OSBPL1A: variants seen among roughly 807,000 people sequenced by gnomAD.
The protein encoded by OSBPL1A is oxysterol-binding protein-related protein 1.
OSBPL1A carries 80 observed loss-of-function variants against 137.1 expected under a neutral mutation model. That is an observed-to-expected ratio of 0.58 (90% confidence interval 0.49 to 0.70). The LOEUF is 0.70. OSBPL1A is among the 30% of genes least tolerant of loss of function. The pLI is 0.00. For synonymous variants in OSBPL1A, 365 were observed against 389.7 expected (o/e 0.94, Z 0.75); for missense variants, 970 against 1,129.4 (o/e 0.86, Z 2.02).
At chr18:24,395,013 G>A (rs73396230) in intron 1 of OSBPL1A, among the ~76,000 whole-genome samples, 1,782 of 152,288 alleles carry the variant, frequency 0.012, 45 homozygotes, top group African/African-American at 0.041. Flanking sequence ...CATTTCTAGA[G>A]ACCAAGAACA....
At chr18:24,253,536 G>A (rs1032288770) in intron 15 of OSBPL1A, among the ~76,000 whole-genome samples, 9 of 152,208 alleles carry the variant, frequency 5.9e-5, no homozygotes, top group Non-Finnish European at 1.2e-4. Context: ...AGCTGGCTGT[G>A]TGGGAGACCA....
Position 24,393,171 on chromosome 18 carries a change from CATGT to C in OSBPL1A, c.-3+4480_-3+4483del, listed in dbSNP as rs1449172609. Reference sequence around the variant, plus strand: ...TTTCTCTGATGCAATCATATACCTACATGTATGTACATGTGTATACATTATGCAC... The same window carrying C: ...TTTCTCTGATGCAATCATATACCTACATGTACATGTGTATACATTATGCAC... On this transcript the variant is annotated intron_variant, in intron 1 of 27. Coordinates refer to ENST00000319481, the MANE Select transcript of OSBPL1A (RefSeq NM_080597.4). 4.6e-5 allele frequency among the ~76,000 whole-genome samples: 7 copies of C among 152,306 alleles called. No individual in the cohort carries two copies. The East Asian group carries it at 1.3e-3, about 29-fold the overall frequency.
In OSBPL1A at chr18:24,331,692, G is replaced by A. The variant is rs143152635; in HGVS notation, c.625+1250C>T. 3.0e-3 allele frequency among the ~76,000 whole-genome samples: 462 copies of A among 152,298 alleles called. 9 individuals carry two copies. The highest frequency in any genetic ancestry group is 9.9e-3 in the African/African-American group (413 of 41,564). On this transcript the variant is annotated intron_variant, in intron 7 of 27. Coordinates refer to ENST00000319481, the MANE Select transcript of OSBPL1A (RefSeq NM_080597.4). Reference sequence around the variant, plus strand: ...ATTACAGGCATGAGCCACCGCGCCCGGCGGCATGTTCCTCTTTTAAATACC... The same window carrying A: ...ATTACAGGCATGAGCCACCGCGCCCAGCGGCATGTTCCTCTTTTAAATACC...
intron 4 of OSBPL1A, among the ~76,000 whole-genome samples, chr18:24,354,748 C>CAAAAAAAAAAAAAAAAAAAGA: frequency 1.3e-5 from 1 of 77,074 alleles, no homozygotes; most frequent in East Asian, 5.2e-4. Context: ...CTCAATATAG[C>CAAAAAAAAAAAAAAAAAAAGA]AAAAAAAAAA....
At chr18:24,222,093 C>T (rs1325810349) in intron 17 of OSBPL1A, among the ~76,000 whole-genome samples, 1 of 152,012 alleles carries the variant, frequency 6.6e-6, no homozygotes, top group African/African-American at 2.4e-5. Context: ...GCATCTTATT[C>T]CTGATAAGAA....
intron 17 of OSBPL1A, among the ~76,000 whole-genome samples, chr18:24,201,999 C>T (rs1281074407): frequency 1.3e-5 from 2 of 152,136 alleles, no homozygotes; most frequent in East Asian, 1.9e-4. Context: ...GGCTGCCAGG[C>T]GTTTCATGCT....
chr18:24,265,697 C>A (rs1033041143), intron 15 of OSBPL1A, among the ~76,000 whole-genome samples: 1 of 152,150 alleles, frequency 6.6e-6, no homozygotes, highest in Admixed American at 6.5e-5. Context: ...GTCACCAGAG[C>A]ATAGCATGTA....
At chr18:24,288,448 C>G (rs371962902) in intron 14 of OSBPL1A, among the ~76,000 whole-genome samples, 2 of 152,276 alleles carry the variant, frequency 1.3e-5, no homozygotes, top group East Asian at 3.9e-4. Flanking sequence ...GTGGAATATT[C>G]CATGGAGGTA....
chr18:24,360,775 G>C (rs1361024389), intron 4 of OSBPL1A, among the ~76,000 whole-genome samples: 1 of 152,106 alleles, frequency 6.6e-6, no homozygotes, highest in Non-Finnish European at 1.5e-5. Flanking sequence ...AAGTGAACAG[G>C]CATGTCTGAA....
At chr18:24,285,885 G>A (rs959756410) in intron 14 of OSBPL1A, among the ~76,000 whole-genome samples, 1 of 152,138 alleles carries the variant, frequency 6.6e-6, no homozygotes, top group Non-Finnish European at 1.5e-5. Flanking sequence ...GGCTGGGCGC[G>A]GTGGTTGATA....
intron 7 of OSBPL1A, 118 bp downstream of exon 7, chr18:24,332,824 A>T: frequency 7.9e-7 from 1 of 1,260,408 alleles, no homozygotes; most frequent in Non-Finnish European, 1.1e-6. Context: ...CTCCAAAATT[A>T]AATAGAAACC....
chr18:24,373,963 C>T (rs1278347022), intron 2 of OSBPL1A, among the ~76,000 whole-genome samples: 1 of 152,082 alleles, frequency 6.6e-6, no homozygotes, highest in African/African-American at 2.4e-5. Flanking sequence ...CTCAGCTTTA[C>T]ATTTCCAAGT....
chr18:24,263,444 T>C (rs1472823181), intron 15 of OSBPL1A, among the ~76,000 whole-genome samples: 1 of 152,166 alleles, frequency 6.6e-6, no homozygotes, highest in African/African-American at 2.4e-5. Flanking sequence ...TAAAACTTTT[T>C]CCTCCAAATA....
intron 5 of OSBPL1A, among the ~76,000 whole-genome samples, chr18:24,335,120 G>A (rs567701655): frequency 1.3e-5 from 2 of 152,120 alleles, no homozygotes; most frequent in Non-Finnish European, 2.9e-5. Flanking sequence ...CAAACTCCTG[G>A]CCTGAAGCAG....
At chr18:24,280,770 A>G in intron 15 of OSBPL1A, 72 bp downstream of exon 15, 2 of 1,030,948 alleles carry the variant, frequency 1.9e-6, no homozygotes, top group Non-Finnish European at 2.7e-6. Flanking sequence ...ATTTGAAAGC[A>G]ATGACTTCAT....
intron 4 of OSBPL1A, among the ~76,000 whole-genome samples, chr18:24,348,503 T>G (rs1188944999): frequency 2.6e-5 from 4 of 152,238 alleles, no homozygotes; most frequent in African/African-American, 9.6e-5. Flanking sequence ...CCAGGCATGG[T>G]GGCTCACGCC....
At chr18:24,299,854 T>C (rs1484263489) in intron 14 of OSBPL1A, among the ~76,000 whole-genome samples, 3 of 152,216 alleles carry the variant, frequency 2.0e-5, no homozygotes, top group African/African-American at 4.8e-5. Flanking sequence ...TTTAACTATA[T>C]GTATCAACAG....
At chr18:24,196,221 CAT>C (rs776806333) in intron 17 of OSBPL1A, 21 bp from the exon 18 acceptor site, 23 of 1,543,688 alleles carry the variant, frequency 1.5e-5, no homozygotes, top group Non-Finnish European at 2.0e-5. Context: ...AAAAGAAAAA[CAT>C]AAAGTTCATT....
intron 2 of OSBPL1A, among the ~76,000 whole-genome samples, chr18:24,374,128 AATTTTATAC>A (rs2146201516): frequency 6.6e-6 from 1 of 152,212 alleles, no homozygotes; most frequent in East Asian, 1.9e-4. Flanking sequence ...AATGGGGGGA[AATTTTATAC>A]ATTTTTTTAT....
Sources: allele counts gnomAD v4.1 joint callset (sites outside exome capture counted in the v4.1 genomes callset), GRCh38; gene constraint gnomAD v4.1.1; transcripts MANE v1.5; gene names NCBI Gene and HGNC (gene_info 2026-07-23, HGNC 2026-07-21).